Variants in TWSG1 observed in about 807,000 individuals in gnomAD.
TWSG1 encodes twisted gastrulation BMP signaling modulator 1, also known as twisted gastrulation protein homolog 1.
TWSG1 carries 15 observed loss-of-function variants against 23.0 expected under a neutral mutation model. The ratio of observed to expected loss-of-function variants is 0.65; its 90% confidence interval spans 0.44 to 1.00. The LOEUF is 1.00. Ranked by LOEUF, TWSG1 falls within the 50% of genes least tolerant of loss-of-function variation. The probability of loss-of-function intolerance (pLI) is 0.00; values close to 1 mark genes in which losing one functional copy is unlikely to be tolerated. For missense variants in TWSG1, 242 were observed against 278.7 expected, an observed-to-expected ratio of 0.87 and a Z score of 0.94; for synonymous variants, 86 against 92.8, an observed-to-expected ratio of 0.93 and a Z score of 0.42.
intron 4 of TWSG1, 179 bp downstream of exon 4, chr18:9,396,725 A>G (rs2040738538): frequency 3.0e-6 from 2 of 673,740 alleles, no homozygotes; most frequent in South Asian, 4.3e-5. Context: ...CACATGCCAG[A>G]AGGATAAGAG....
intron 3 of TWSG1, among the ~76,000 whole-genome samples, chr18:9,365,147 C>T (rs556048577): frequency 4.0e-5 from 6 of 151,716 alleles, no homozygotes; most frequent in African/African-American, 1.5e-4. Flanking sequence ...ATAAGGAGAC[C>T]CCATCTTTAC....
intron 2 of TWSG1, among the ~76,000 whole-genome samples, chr18:9,347,899 G>A (rs778281928): frequency 6.6e-6 from 1 of 152,022 alleles, no homozygotes; most frequent in Non-Finnish European, 1.5e-5. Context: ...GGTGGAGGAG[G>A]TGTGTGTCCC....
At chr18:9,350,475 C>T (rs1182745171) in intron 2 of TWSG1, among the ~76,000 whole-genome samples, 2 of 152,160 alleles carry the variant, frequency 1.3e-5, no homozygotes, top group African/African-American at 4.8e-5. Context: ...TCAGCCTCAA[C>T]AGTGATCAAC....
intron 2 of TWSG1, 79 bp downstream of exon 2, chr18:9,337,431 G>A: frequency 4.8e-6 from 7 of 1,451,340 alleles, no homozygotes; most frequent in South Asian, 1.2e-5. Flanking sequence ...GATATAGAGT[G>A]CATATATCAT....
intron 3 of TWSG1, among the ~76,000 whole-genome samples, chr18:9,385,645 C>T (rs1187845368): frequency 3.5e-5 from 1 of 28,980 alleles, no homozygotes; most frequent in Admixed American, 4.4e-4. Flanking sequence ...GCCGAGATTG[C>T]GCCACTGCAG....
intron 4 of TWSG1, among the ~76,000 whole-genome samples, chr18:9,398,793 C>T (rs2040749561): frequency 6.6e-6 from 1 of 152,006 alleles, no homozygotes; most frequent in Non-Finnish European, 1.5e-5. Flanking sequence ...CTGTTTTTAA[C>T]TTATGGATCT....
At position 9,363,680 on chromosome 18, in the gene TWSG1, C is replaced by T. The variant is rs190427135; in HGVS notation, c.223+3609C>T. Among the ~76,000 whole-genome samples, 12 of 152,236 alleles carry T rather than the reference C, an allele frequency of 7.9e-5. No individual in the cohort carries two copies. The East Asian group carries it at 2.3e-3, about 29-fold the overall frequency. Reference sequence around the variant, plus strand: ...TTGCTCTCTCGCCCAGGCTGGAGTGCACTGGTGCAGTCTTGGCTCACTGCA... The same window carrying T: ...TTGCTCTCTCGCCCAGGCTGGAGTGTACTGGTGCAGTCTTGGCTCACTGCA... On this transcript the variant is annotated intron_variant, in intron 3 of 4. Coordinates refer to ENST00000262120, the MANE Select transcript of TWSG1 (RefSeq NM_020648.6).
intron 3 of TWSG1, among the ~76,000 whole-genome samples, chr18:9,365,289 T>C (rs1167456195): frequency 2.0e-5 from 3 of 152,124 alleles, no homozygotes; most frequent in Non-Finnish European, 4.4e-5. Flanking sequence ...ACTACAGCAC[T>C]CCAGCCTGGG....
chr18:9,390,343 A>G (rs1351438606), intron 3 of TWSG1, among the ~76,000 whole-genome samples: 2 of 152,084 alleles, frequency 1.3e-5, no homozygotes, highest in African/African-American at 2.4e-5. Context: ...TTGTATTTTT[A>G]GTAGAGACGG....
chr18:9,365,079 G>C (rs2040571584), intron 3 of TWSG1, among the ~76,000 whole-genome samples: 1 of 152,298 alleles, frequency 6.6e-6, no homozygotes, highest in South Asian at 2.1e-4. Flanking sequence ...CCAGCACGTT[G>C]GGAGGCCACA....
intron 2 of TWSG1, among the ~76,000 whole-genome samples, chr18:9,338,214 G>T (rs1029349194): frequency 2.0e-5 from 3 of 152,154 alleles, no homozygotes; most frequent in African/African-American, 7.2e-5. Flanking sequence ...TACATCAGAA[G>T]CATTTTGTGC....
chr18:9,335,547 G>A (rs189139762), intron 1 of TWSG1, among the ~76,000 whole-genome samples: 1 of 152,336 alleles, frequency 6.6e-6, no homozygotes, highest in East Asian at 1.9e-4. Context: ...GGAAATCCCA[G>A]TTTTCATGGT....
chr18:9,380,533 C>G (rs2040651563), intron 3 of TWSG1, among the ~76,000 whole-genome samples: 2 of 152,202 alleles, frequency 1.3e-5, no homozygotes. Context: ...TACTCTTGAG[C>G]TAGTAATGAT....
intron 2 of TWSG1, among the ~76,000 whole-genome samples, chr18:9,350,906 A>C (rs1241243564): frequency 6.6e-6 from 1 of 152,172 alleles, no homozygotes; most frequent in Non-Finnish European, 1.5e-5. Flanking sequence ...ATTCTTTTGA[A>C]TAGGGGCTAA....
chr18:9,351,928 G>A (rs1189103609), intron 2 of TWSG1, among the ~76,000 whole-genome samples: 2 of 152,206 alleles, frequency 1.3e-5, no homozygotes, highest in African/African-American at 2.4e-5. Context: ...TTACAGGCAT[G>A]AGCCACTGCT....
intron 3 of TWSG1, among the ~76,000 whole-genome samples, chr18:9,386,697 G>A (rs905692336): frequency 4.6e-5 from 7 of 152,196 alleles, no homozygotes; most frequent in Admixed American, 4.6e-4. Flanking sequence ...AATGCTGAGT[G>A]AGATGAGTGA....
At chr18:9,364,352 C>T (rs1395670400) in intron 3 of TWSG1, among the ~76,000 whole-genome samples, 1 of 152,202 alleles carries the variant, frequency 6.6e-6, no homozygotes, top group Admixed American at 6.5e-5. Context: ...AATATCCAGA[C>T]GTCCTGCTTT....
intron 2 of TWSG1, among the ~76,000 whole-genome samples, chr18:9,355,066 C>T (rs1484660633): frequency 6.6e-6 from 1 of 152,118 alleles, no homozygotes; most frequent in Non-Finnish European, 1.5e-5. Flanking sequence ...CGCCATTCTC[C>T]TGCCTCAGCC....
intron 3 of TWSG1, among the ~76,000 whole-genome samples, chr18:9,392,260 A>G (rs2040716348): frequency 1.3e-5 from 2 of 152,248 alleles, no homozygotes; most frequent in Admixed American, 1.3e-4. Context: ...TGGTGTAGCC[A>G]CCTTCACCAA....
Sources: allele counts gnomAD v4.1 joint callset (sites outside exome capture counted in the v4.1 genomes callset), GRCh38; gene constraint gnomAD v4.1.1; transcripts MANE v1.5; gene names NCBI Gene and HGNC (gene_info 2026-07-23, HGNC 2026-07-21).